SH3PXD2A: variants seen among roughly 807,000 people sequenced by gnomAD.
SH3PXD2A encodes SH3 and PX domain-containing protein 2A.
SH3PXD2A carries 32 observed loss-of-function variants against 115.2 expected under a neutral mutation model. That is an observed-to-expected ratio of 0.28 (90% CI 0.21 to 0.37). SH3PXD2A has a LOEUF of 0.37. Among genes scored for constraint, SH3PXD2A ranks in the 10% least tolerant of loss-of-function variants. The pLI is 1.00. For missense variants in SH3PXD2A, 1,328 were observed against 1,498.7 expected (o/e 0.89, Z 1.88); for synonymous variants, 610 against 629.1 (o/e 0.97, Z 0.45).
intron 7 of SH3PXD2A, among the ~76,000 whole-genome samples, chr10:103,662,646 G>A (rs1422667952): frequency 5.3e-5 from 8 of 151,544 alleles, no homozygotes; most frequent in East Asian, 1.9e-4. Flanking sequence ...TGATCCACCC[G>A]CCTCGGCCTC....
chr10:103,604,594 G>A (rs942350354), intron 14 of SH3PXD2A, among the ~76,000 whole-genome samples: 4 of 152,212 alleles, frequency 2.6e-5, no homozygotes, highest in African/African-American at 9.6e-5. Flanking sequence ...GTCCTGGGGT[G>A]GGGAAGGGGT....
intron 1 of SH3PXD2A, among the ~76,000 whole-genome samples, chr10:103,816,277 A>T (rs79026151): frequency 6.6e-6 from 1 of 152,336 alleles, no homozygotes; most frequent in East Asian, 1.9e-4. Context: ...AATACATGCA[A>T]CTTTTATTGA....
chr10:103,729,533 A>C (rs1159696699), intron 4 of SH3PXD2A, among the ~76,000 whole-genome samples: 1 of 152,258 alleles, frequency 6.6e-6, no homozygotes, highest in African/African-American at 2.4e-5. Context: ...GGCTGAAATG[A>C]GTACGACTTT....
At chr10:103,837,553 T>C (rs373991278) in intron 1 of SH3PXD2A, among the ~76,000 whole-genome samples, 483 of 151,904 alleles carry the variant, frequency 3.2e-3, no homozygotes, top group African/African-American at 0.011. Context: ...CAGGAGGGAG[T>C]GCTCACACAG....
chr10:103,615,336 T>C (rs1361467929), intron 11 of SH3PXD2A, among the ~76,000 whole-genome samples: 1 of 152,182 alleles, frequency 6.6e-6, no homozygotes, highest in Admixed American at 6.5e-5. Flanking sequence ...ATGGGTAAAA[T>C]TAAGATTCCA....
At chr10:103,634,182 G>A (rs1304859947) in intron 8 of SH3PXD2A, among the ~76,000 whole-genome samples, 1 of 152,242 alleles carries the variant, frequency 6.6e-6, no homozygotes, top group Non-Finnish European at 1.5e-5. Context: ...AAAGGAGCAG[G>A]ACTTACATGG....
chr10:103,735,701 GCCCCTC>G, intron 4 of SH3PXD2A, 25 bp downstream of exon 4: 1 of 1,278,288 alleles, frequency 7.8e-7, no homozygotes, highest in Non-Finnish European at 1.1e-6. Context: ...CCCTCCCCGA[GCCCCTC>G]CCCCAGCCCC....
intron 1 of SH3PXD2A, among the ~76,000 whole-genome samples, chr10:103,810,948 G>GCACACACACACACACA (rs1459501583): frequency 4.7e-4 from 2 of 4,246 alleles, no homozygotes; most frequent in African/African-American, 1.5e-3. Flanking sequence ...ACAGGCGCGC[G>GCACACACACACACACA]CGCGCACACA....
At chr10:103,691,362 G>A (rs1199451896) in intron 6 of SH3PXD2A, among the ~76,000 whole-genome samples, 3 of 152,138 alleles carry the variant, frequency 2.0e-5, no homozygotes, top group African/African-American at 7.2e-5. Flanking sequence ...GGAAACTGAG[G>A]CACAGAGAAG....
rs1374068066 is a variant in SH3PXD2A, at chr10:103,627,043, C to G, written c.718+46G>C. On this transcript the variant is annotated intron_variant, in intron 9 of 14. Transcript: ENST00000369774. The surrounding 1 kb of genome is among the most constrained non-coding windows in gnomAD (Gnocchi z 4.4). ...TAGGGAAAGAGTGAGAGAGCTGCCT[C>G]CAGAGGCCGCGTTGCTCCCTGCCCC... The G allele has an allele frequency of 7.5e-6, 8 of 1,068,676 alleles. No homozygotes were observed. Among genetic ancestry groups the G allele is most frequent in the Admixed American group, 6.8e-5 (4 of 58,620 alleles). 66.2% of individuals were successfully genotyped at this position (1,068,676 alleles called of 1,614,324 possible).
chr10:103,602,249 T>A lies in SH3PXD2A; in HGVS notation c.2969A>T (p.Asp990Val), dbSNP rs774799645. 6.2e-7 allele frequency: 1 copy of A among 1,611,108 alleles called. No homozygotes were observed. The highest frequency in any genetic ancestry group is 2.2e-5 in the East Asian group (1 of 44,866). Reference sequence around the variant, plus strand: ...CCGCAGGGCGCAGGACAGGTTGTTGTCCTTGGGTGGCGGGGACACAAACAC... The same window carrying A: ...CCGCAGGGCGCAGGACAGGTTGTTGACCTTGGGTGGCGGGGACACAAACAC... ...QSVFVSPPPKDNNLSCALRRN... is the reference protein window; with the variant it reads ...QSVFVSPPPKVNNLSCALRRN... The change falls in exon 15 of 15, where the codon GAC (aspartate) becomes GTC (valine). Residue 990 changes from aspartate (D) to valine (V), a missense_variant. Transcript: ENST00000369774.
chr10:103,623,057 G>A (rs1459083824), intron 9 of SH3PXD2A, among the ~76,000 whole-genome samples: 1 of 152,206 alleles, frequency 6.6e-6, no homozygotes. Flanking sequence ...GTGCCCAAGA[G>A]AGACTTGGAT....
chr10:103,643,183 C>T (rs1480713182), intron 8 of SH3PXD2A, among the ~76,000 whole-genome samples: 2 of 152,130 alleles, frequency 1.3e-5, no homozygotes, highest in African/African-American at 4.8e-5. Flanking sequence ...CCACGAATGC[C>T]GATGCTTTTC....
At chr10:103,689,921 A>G (rs185120624) in intron 6 of SH3PXD2A, among the ~76,000 whole-genome samples, 13 of 152,290 alleles carry the variant, frequency 8.5e-5, no homozygotes, top group East Asian at 5.8e-4. Flanking sequence ...TCTAAGCTCT[A>G]TGCTCAGTAA....
chr10:103,660,078 G>A (rs756789741), intron 8 of SH3PXD2A, among the ~76,000 whole-genome samples: 3 of 152,160 alleles, frequency 2.0e-5, no homozygotes, highest in Non-Finnish European at 4.4e-5. Context: ...CCCTCTGGAA[G>A]TATCCACCAA....
At chr10:103,676,044 GA>G (rs888327984) in intron 6 of SH3PXD2A, among the ~76,000 whole-genome samples, 78 of 148,794 alleles carry the variant, frequency 5.2e-4, no homozygotes, top group African/African-American at 1.2e-3. Flanking sequence ...CGTCTCGGGG[GA>G]AAAAAAAAAG....
chr10:103,790,671 T>C (rs2039026794), intron 2 of SH3PXD2A, among the ~76,000 whole-genome samples: 1 of 152,160 alleles, frequency 6.6e-6, no homozygotes, highest in Admixed American at 6.6e-5. Context: ...AACTGATAGG[T>C]AGTGACTTCC....
intron 1 of SH3PXD2A, among the ~76,000 whole-genome samples, chr10:103,817,547 G>A (rs1235470285): frequency 6.6e-6 from 1 of 152,008 alleles, no homozygotes; most frequent in African/African-American, 2.4e-5. Flanking sequence ...TGCCATGTTA[G>A]CCAGGCTGGT....
intron 2 of SH3PXD2A, among the ~76,000 whole-genome samples, chr10:103,767,874 C>T (rs1275928611): frequency 7.7e-6 from 1 of 130,508 alleles, no homozygotes. Flanking sequence ...TGGAAAAACA[C>T]ACAGGAGACA....
Sources: gnomAD v4.1 joint callset for allele counts (sites outside exome capture counted in the v4.1 genomes callset) on GRCh38, gnomAD v4.1.1 for gene constraint, Gnocchi (gnomAD v3.1) non-coding constraint, MANE v1.5 for transcripts, NCBI Gene and HGNC (gene_info 2026-07-23, HGNC 2026-07-21) for gene names.